The following FAT3 variants were observed in gnomAD, a reference collection of about 807,000 sequenced individuals.
FAT3 encodes the protein FAT atypical cadherin 3, also known as protocadherin Fat 3.
A neutral mutation model predicts 310.2 loss-of-function variants in FAT3; 95 were observed. That is an observed-to-expected ratio of 0.31 (90% CI 0.26 to 0.36). The LOEUF (loss-of-function observed/expected upper bound fraction) is 0.36. FAT3 is among the 10% of genes least tolerant of loss of function. The pLI is 1.00. For missense variants in FAT3, 5,408 were observed against 5,715.6 expected (o/e 0.95, Z 1.74); for synonymous variants, 2,314 against 2,192.9 (o/e 1.06, Z -1.54).
At chr11:92,679,593 A>G (rs1187835744) in intron 3 of FAT3, among the ~76,000 whole-genome samples, 1 of 152,086 alleles carries the variant, frequency 6.6e-6, no homozygotes, top group Non-Finnish European at 1.5e-5. Flanking sequence ...CTGTAATCCC[A>G]GAACTTTGGG....
At chr11:92,765,111 C>T in intron 6 of FAT3, 22 bp downstream of exon 6, 1 of 1,542,836 alleles carries the variant, frequency 6.5e-7, no homozygotes, top group Non-Finnish European at 8.8e-7. Context: ...TCTTACAGAG[C>T]AGTATCATGC....
chr11:92,599,462 C>T (rs894643425), intron 3 of FAT3, among the ~76,000 whole-genome samples: 2 of 152,124 alleles, frequency 1.3e-5, no homozygotes, highest in Admixed American at 1.3e-4. Context: ...ATTATGGGAA[C>T]TACAGTTCAA....
chr11:92,350,402 C>A (rs1344322931), intron 1 of FAT3, among the ~76,000 whole-genome samples: 2 of 150,162 alleles, frequency 1.3e-5, no homozygotes, highest in Non-Finnish European at 3.0e-5. Flanking sequence ...TACATTAAAA[C>A]CAGAGAGGAG....
At chr11:92,451,046 C>T (rs1951340270) in intron 2 of FAT3, among the ~76,000 whole-genome samples, 1 of 150,966 alleles carries the variant, frequency 6.6e-6, no homozygotes, top group East Asian at 1.9e-4. Context: ...CTTTTTTTTT[C>T]CCCTCTTTTC....
At chr11:92,293,915 G>A (rs531022509) in intron 1 of FAT3, among the ~76,000 whole-genome samples, 10 of 152,052 alleles carry the variant, frequency 6.6e-5, no homozygotes, top group African/African-American at 1.7e-4. Flanking sequence ...AGCCACTTGC[G>A]TGCAAGTACA....
intron 2 of FAT3, among the ~76,000 whole-genome samples, chr11:92,509,908 G>T (rs1455252361): frequency 6.6e-6 from 1 of 152,130 alleles, no homozygotes; most frequent in Non-Finnish European, 1.5e-5. Context: ...TTCTTCTACA[G>T]TGAAGTGTTG....
At chr11:92,852,668 A>T (rs909649730) in intron 19 of FAT3, among the ~76,000 whole-genome samples, 1 of 152,200 alleles carries the variant, frequency 6.6e-6, no homozygotes, top group Non-Finnish European at 1.5e-5. Flanking sequence ...ATGATTATAT[A>T]TCTAATATTT....
chr11:92,299,088 G>A (rs1381914473), intron 1 of FAT3, among the ~76,000 whole-genome samples: 1 of 152,066 alleles, frequency 6.6e-6, no homozygotes, highest in Non-Finnish European at 1.5e-5. Context: ...GCTTCCATAA[G>A]CATCATGCCT....
chr11:92,469,524 T>C (rs1179391421), intron 2 of FAT3, among the ~76,000 whole-genome samples: 1 of 152,132 alleles, frequency 6.6e-6, no homozygotes, highest in East Asian at 1.9e-4. Context: ...TTTGTGATTT[T>C]TTTTTTTTGA....
At chr11:92,744,923 T>C (rs1167466954) in intron 4 of FAT3, among the ~76,000 whole-genome samples, 2 of 152,222 alleles carry the variant, frequency 1.3e-5, no homozygotes, top group Non-Finnish European at 2.9e-5. Flanking sequence ...AATTACCTGC[T>C]AAATCGCCCA....
At chr11:92,583,232 T>C (rs1225344833) in intron 3 of FAT3, among the ~76,000 whole-genome samples, 2 of 152,072 alleles carry the variant, frequency 1.3e-5, no homozygotes, top group African/African-American at 2.4e-5. Flanking sequence ...AATATTGTCT[T>C]TGAATAGAGA....
intron 2 of FAT3, among the ~76,000 whole-genome samples, chr11:92,495,841 T>G: frequency 6.6e-6 from 1 of 152,094 alleles, no homozygotes; most frequent in East Asian, 1.9e-4. Context: ...AACAGAGCTG[T>G]GTAGTGTGAG....
intron 2 of FAT3, among the ~76,000 whole-genome samples, chr11:92,432,527 G>T (rs942349951): frequency 2.6e-5 from 4 of 152,150 alleles, no homozygotes; most frequent in Admixed American, 2.6e-4. Context: ...CCCCTCTTCT[G>T]CAGGTCTGCT....
At chr11:92,461,314 A>G (rs559075162) in intron 2 of FAT3, among the ~76,000 whole-genome samples, 66 of 152,256 alleles carry the variant, frequency 4.3e-4, no homozygotes, top group Non-Finnish European at 5.9e-5. Context: ...TGGTTATGGG[A>G]TAGCAACTGA....
chr11:92,865,271 C>A (rs573457622), intron 21 of FAT3, among the ~76,000 whole-genome samples: 2 of 152,144 alleles, frequency 1.3e-5, no homozygotes, highest in Admixed American at 1.3e-4. Flanking sequence ...AAATACGTGA[C>A]GTGTGAGAAT....
chr11:92,473,780 C>G (rs1425239447), intron 2 of FAT3, among the ~76,000 whole-genome samples: 1 of 152,166 alleles, frequency 6.6e-6, no homozygotes, highest in Non-Finnish European at 1.5e-5. Context: ...CAGGGACTAG[C>G]AAGAAACTCA....
At chr11:92,872,971 T>G (rs1949428152) in intron 22 of FAT3, among the ~76,000 whole-genome samples, 1 of 152,122 alleles carries the variant, frequency 6.6e-6, no homozygotes, top group African/African-American at 2.4e-5. Context: ...GGACTAGAGG[T>G]TTGGATGTTT....
intron 1 of FAT3, among the ~76,000 whole-genome samples, chr11:92,306,735 T>TA (rs1947144482): frequency 8.1e-6 from 1 of 123,128 alleles, no homozygotes; most frequent in Admixed American, 1.1e-4. Flanking sequence ...ATATATATAT[T>TA]TATATATAAA....
intron 1 of FAT3, among the ~76,000 whole-genome samples, chr11:92,310,033 T>C (rs1010442392): frequency 2.6e-5 from 4 of 152,092 alleles, no homozygotes; most frequent in Non-Finnish European, 5.9e-5. Flanking sequence ...GGAATGTCTA[T>C]TCACTTGTTT....
Sources: allele counts gnomAD v4.1 joint callset (sites outside exome capture counted in the v4.1 genomes callset), GRCh38; gene constraint gnomAD v4.1.1; transcripts MANE v1.5; gene names NCBI Gene and HGNC (gene_info 2026-07-23, HGNC 2026-07-21).